Variants in VANGL1 observed in about 807,000 individuals in gnomAD.
The protein encoded by VANGL1 is vang-like protein 1.
Under a neutral mutation model 48.4 loss-of-function variants are expected in VANGL1, and 18 were observed. The ratio of observed to expected loss-of-function variants is 0.37; its 90% CI spans 0.26 to 0.55. The LOEUF is 0.55. Ranked by LOEUF, VANGL1 falls within the 20% of genes least tolerant of loss-of-function variation. The pLI, the probability that VANGL1 is intolerant of heterozygous loss-of-function variation, is 0.81. For missense variants in VANGL1, 667 were observed against 675.8 expected (o/e 0.99, Z 0.14); for synonymous variants, 257 against 261.8 (o/e 0.98, Z 0.18).
intron 3 of VANGL1, among the ~76,000 whole-genome samples, chr1:115,660,872 C>T (rs994431412): frequency 4.6e-5 from 7 of 152,098 alleles, no homozygotes; most frequent in African/African-American, 7.2e-5. Flanking sequence ...TGAGCAAATG[C>T]CTTTAGTGCT....
Position 115,651,352 on chromosome 1 carries a change from A to C in VANGL1, c.-62A>C. On this transcript the variant is annotated 5_prime_UTR_variant, in exon 2 of 8. Coordinates refer to ENST00000355485, the MANE Select transcript of VANGL1 (RefSeq NM_138959.3). ...AGGTTTTAGGAGTCTGGTAGGTGAA[A>C]TTTTCTACCTCTAAGGAGAAACAGT... 1 of 1,527,390 alleles carries C rather than the reference A, an allele frequency of 6.5e-7. No individual in the cohort carries two copies. The highest frequency in any genetic ancestry group is 1.1e-5 in the South Asian group (1 of 87,790). The allele number at this position is 1,527,390 out of a possible 1,614,324, so 94.6% of individuals were successfully genotyped here. A position where few individuals can be genotyped will look rare whatever the true frequency, so the allele number is the denominator to read the frequency against.
intron 7 of VANGL1, among the ~76,000 whole-genome samples, chr1:115,689,409 A>G (rs1333540542): frequency 2.2e-5 from 3 of 136,310 alleles, no homozygotes; most frequent in East Asian, 2.1e-4. Flanking sequence ...AGGCAGGTCA[A>G]TCACCTGAGG....
chr1:115,683,842 AG>A lies in VANGL1; in HGVS notation c.947-97del. On this transcript the variant is annotated intron_variant, in intron 5 of 7. Coordinates refer to ENST00000355485, the MANE Select transcript of VANGL1 (RefSeq NM_138959.3). ...TAGGATTTGTGTGTGTGTGTTCCAT[AG>A]GGGGTGGGTAGACAACACTGACAGA... 4.1e-6 allele frequency: 6 copies of A among 1,466,334 alleles called. No homozygotes were observed. In the South Asian group the frequency reaches 5.7e-5, roughly 14 times the overall value. 90.8% of individuals were successfully genotyped at this position (1,466,334 alleles called of 1,614,324 possible).
rs1653550800 is a variant in VANGL1, at chr1:115,685,213, C to T, written c.1080-80C>T. The T allele has an allele frequency of 3.3e-6, 5 of 1,508,196 alleles. No homozygotes were observed. The East Asian group carries it at 1.2e-4, about 35-fold the overall frequency. The allele number at this position is 1,508,196 out of a possible 1,614,324, so 93.4% of individuals were successfully genotyped here. On this transcript the variant is annotated intron_variant, in intron 6 of 7. Coordinates refer to ENST00000355485, the MANE Select transcript of VANGL1 (RefSeq NM_138959.3). ...GGTATGTTGGCAGGTTGGGCCGCAG[C>T]AGGGTAGACAAGCGTCATTCTGTTC...
At chr1:115,674,373 T>C (rs778442502) in intron 4 of VANGL1, among the ~76,000 whole-genome samples, 5 of 152,196 alleles carry the variant, frequency 3.3e-5, no homozygotes, top group African/African-American at 4.8e-5. Context: ...TTCATTTACA[T>C]CCGGGTCTCA....
chr1:115,659,525 G>A (rs1332768168), intron 2 of VANGL1, 116 bp from the exon 3 acceptor site: 12 of 1,267,914 alleles, frequency 9.5e-6, no homozygotes, highest in African/African-American at 4.4e-5. Context: ...GTGTGTGTGT[G>A]TGTGTGTGTG....
At chr1:115,663,569 G>T in intron 3 of VANGL1, 92 bp from the exon 4 acceptor site, 1 of 1,558,886 alleles carries the variant, frequency 6.4e-7, no homozygotes. Flanking sequence ...AATAGGGCTG[G>T]GTAGATGCAG....
Position 115,646,550 on chromosome 1 carries a change from C to CTTT in VANGL1, c.-138+4471_-138+4473dup, listed in dbSNP as rs10647324. ...TCACGCCTCTATCTAATATCTGCAT[C>CTTT]TTTTTTTTTGCCACCTCTAAAACTA... On this transcript the variant is annotated intron_variant, in intron 1 of 7. Coordinates refer to ENST00000355485, the MANE Select transcript of VANGL1 (RefSeq NM_138959.3). Among the ~76,000 whole-genome samples, 36 of 141,442 alleles carry CTTT rather than the reference C, an allele frequency of 2.5e-4. No homozygotes were observed. In the South Asian group the frequency reaches 2.9e-3, roughly 11 times the overall value. 92.8% of individuals were successfully genotyped at this position (141,442 alleles called of 152,430 possible). A position where few individuals can be genotyped will look rare whatever the true frequency, so the allele number is the denominator to read the frequency against.
At chr1:115,644,906 AT>A (rs1403488774) in intron 1 of VANGL1, among the ~76,000 whole-genome samples, 1 of 152,142 alleles carries the variant, frequency 6.6e-6, no homozygotes, top group Admixed American at 6.5e-5. Flanking sequence ...CAAAGTTGAC[AT>A]TTTCTTTCCT....
In VANGL1 at chr1:115,694,494, TTGG is replaced by T. The variant is rs1401278102; in HGVS notation, c.*3120_*3122del. 6.6e-6 allele frequency: 1 copy of T among 152,166 alleles called. No homozygotes were observed. The highest frequency in any genetic ancestry group is 1.5e-5 in the Non-Finnish European group (1 of 68,036). The allele number at this position is 152,166 out of a possible 1,614,324, so 9.4% of individuals were successfully genotyped here. ...CTCACCCCTGCCCTCTCTACAGTAG[TTGG>T]TGGTAGATTTCTCTCTCATTTTGCC... is the stretch of plus-strand genomic sequence containing the variant. On this transcript the variant is annotated 3_prime_UTR_variant, in exon 8 of 8. Coordinates refer to ENST00000355485, the MANE Select transcript of VANGL1 (RefSeq NM_138959.3).
At chr1:115,684,137 T>A in intron 6 of VANGL1, 61 bp downstream of exon 6, 2 of 1,336,114 alleles carry the variant, frequency 1.5e-6, no homozygotes, top group Non-Finnish European at 2.0e-6. Flanking sequence ...ATTTTATTTA[T>A]TTATTTATTT....
At position 115,685,510 on chromosome 1, in the gene VANGL1, A is replaced by G; in HGVS notation, c.1297A>G (p.Asn433Asp). Reference protein sequence around the residue: ...ILQHLAFCITNGMTPKAFLER... With the variant: ...ILQHLAFCITDGMTPKAFLER... The stretch of plus-strand genomic sequence containing the variant: ...GCAGCACCTGGCCTTCTGCATCACC[A>G]ACGGCATGACCCCCAAGGTGCGCTG... Residue 433 changes from asparagine (N) to aspartate (D), a missense_variant, in exon 7 of 8, where the codon AAC (asparagine) becomes GAC (aspartate). Physicochemically the swap from Asn to Asp is conservative, Grantham distance 23 (BLOSUM62 1). Transcript: ENST00000355485. 6.2e-7 allele frequency: 1 copy of G among 1,614,032 alleles called. No homozygotes were observed. Among genetic ancestry groups the G allele is most frequent in the Non-Finnish European group, 8.5e-7 (1 of 1,180,018 alleles).
intron 2 of VANGL1, among the ~76,000 whole-genome samples, chr1:115,652,147 T>C (rs12405800): frequency 0.044 from 6,730 of 152,310 alleles, 491 homozygotes; most frequent in African/African-American, 0.15. Context: ...GTCATGAGGC[T>C]TATTTAGTGA....
At chr1:115,655,815 T>A (rs1415550613) in intron 2 of VANGL1, among the ~76,000 whole-genome samples, 1 of 152,164 alleles carries the variant, frequency 6.6e-6, no homozygotes, top group African/African-American at 2.4e-5. Context: ...TTGTGGCATC[T>A]GGAACTACAG....
At position 115,687,705 on chromosome 1, in the gene VANGL1, C is replaced by CTGTGTGTGTGTG. The variant is rs56094677; in HGVS notation, c.1314+2212_1314+2223dup. ...AATTGGGTCATTGCTCTCTCTTTCT[C>CTGTGTGTGTGTG]TGTGTGTGTGTGTGTGTGTGTGTGT... On this transcript the variant is annotated intron_variant, in intron 7 of 7. Coordinates refer to ENST00000355485, the MANE Select transcript of VANGL1 (RefSeq NM_138959.3). Among the ~76,000 whole-genome samples, 36 of 112,794 alleles carry CTGTGTGTGTGTG rather than the reference C, an allele frequency of 3.2e-4. 5 individuals carry two copies. The highest frequency in any genetic ancestry group is 6.6e-4 in the South Asian group (2 of 3,046). 74.0% of individuals were successfully genotyped at this position (112,794 alleles called of 152,430 possible).
At position 115,691,157 on chromosome 1, in the gene VANGL1, G is replaced by T; in HGVS notation, c.1353G>T (p.Leu451=). The T allele has an allele frequency of 1.2e-6, 2 of 1,614,074 alleles. No homozygotes were observed. Among genetic ancestry groups the T allele is most frequent in the South Asian group, 2.2e-5 (2 of 91,068 alleles). Residue 451 remains leucine, a synonymous_variant, in exon 8 of 8, where the codon CTG becomes CTT. Transcript: ENST00000355485. The part of the protein sequence containing the change: ...LERYLSAGPT[L]QYDKDRWLST... ...GGTACCTCAGTGCGGGCCCCACCCTGCAATATGACAAGGACCGCTGGCTCT... is the reference window on the plus strand; with the variant it reads ...GGTACCTCAGTGCGGGCCCCACCCTTCAATATGACAAGGACCGCTGGCTCT...
At chr1:115,680,009 G>A (rs1482201763) in intron 4 of VANGL1, among the ~76,000 whole-genome samples, 32 of 95,622 alleles carry the variant, frequency 3.3e-4, no homozygotes, top group African/African-American at 1.0e-3. Context: ...GTGTGTGTGT[G>A]TGTGTGTGTG....
Position 115,687,756 on chromosome 1 carries a change from A to G in VANGL1, c.1314+2229A>G, listed in dbSNP as rs977080285. Among the ~76,000 whole-genome samples, 11 of 126,000 alleles carry G rather than the reference A, an allele frequency of 8.7e-5. 2 individuals carry two copies. The highest frequency in any genetic ancestry group is 6.6e-4 in the East Asian group (3 of 4,552). 82.7% of individuals were successfully genotyped at this position (126,000 alleles called of 152,430 possible). On this transcript the variant is annotated intron_variant, in intron 7 of 7. Coordinates refer to ENST00000355485, the MANE Select transcript of VANGL1 (RefSeq NM_138959.3). ...GTGTGTGTGTGTGTGTGTGTAAACCACAGGCACACGCCACCATGCCTGGCA... is the reference window on the plus strand; with the variant it reads ...GTGTGTGTGTGTGTGTGTGTAAACCGCAGGCACACGCCACCATGCCTGGCA...
At chr1:115,668,877 G>A (rs959928132) in intron 4 of VANGL1, among the ~76,000 whole-genome samples, 7 of 152,170 alleles carry the variant, frequency 4.6e-5, no homozygotes, top group Non-Finnish European at 8.8e-5. Flanking sequence ...TCTGGGCCTG[G>A]AACTGTCCCA....
Sources: gnomAD v4.1 joint callset for allele counts (sites outside exome capture counted in the v4.1 genomes callset) on GRCh38, gnomAD v4.1.1 for gene constraint, MANE v1.5 for transcripts, NCBI Gene and HGNC (gene_info 2026-07-23, HGNC 2026-07-21) for gene names.